The following CDH11 variants were observed in gnomAD, a reference collection of about 807,000 sequenced individuals.
The protein encoded by CDH11 is cadherin-11.
A neutral mutation model predicts 67.8 loss-of-function variants in CDH11; 11 were observed. The ratio of observed to expected loss-of-function variants is 0.16; its 90% CI spans 0.10 to 0.27. The LOEUF (loss-of-function observed/expected upper bound fraction) is 0.27, where lower values mean the gene tolerates loss of function less well. CDH11 is among the 10% of genes least tolerant of loss of function. The pLI, the probability that CDH11 is intolerant of heterozygous loss-of-function variation, is 1.00. For missense variants in CDH11, 847 were observed against 1,031.2 expected, an observed-to-expected ratio of 0.82 and a Z score of 2.45; for synonymous variants, 419 against 400.0, an observed-to-expected ratio of 1.05 and a Z score of -0.57.
intron 7 of CDH11, 103 bp downstream of exon 7, chr16:64,988,054 C>T (rs1007726181): frequency 3.6e-5 from 33 of 908,746 alleles, no homozygotes; most frequent in Middle Eastern, 2.3e-4. Flanking sequence ...CCCCTGGTTT[C>T]GCAAATTCTC....
At chr16:65,078,880 G>T (rs542261283) in intron 1 of CDH11, among the ~76,000 whole-genome samples, 7 of 152,260 alleles carry the variant, frequency 4.6e-5, no homozygotes, top group African/African-American at 1.7e-4. Context: ...CTGACTGCCT[G>T]GCTGTAAGCA....
intron 2 of CDH11, among the ~76,000 whole-genome samples, chr16:65,025,473 G>T (rs1208506476): frequency 6.6e-6 from 1 of 152,116 alleles, no homozygotes; most frequent in Non-Finnish European, 1.5e-5. Context: ...CTCCTGAGTA[G>T]CTGGGACTAA....
At chr16:65,069,514 G>A (rs1567560189) in intron 1 of CDH11, among the ~76,000 whole-genome samples, 1 of 152,062 alleles carries the variant, frequency 6.6e-6, no homozygotes, top group African/African-American at 2.4e-5. Flanking sequence ...ACCTGAGCTG[G>A]CCACATCTAA....
chr16:65,081,419 A>G (rs1294841452), intron 1 of CDH11, among the ~76,000 whole-genome samples: 1 of 152,162 alleles, frequency 6.6e-6, no homozygotes, highest in Non-Finnish European at 1.5e-5. Context: ...ATACAAAAAA[A>G]TTAGCCGGGC....
intron 1 of CDH11, among the ~76,000 whole-genome samples, chr16:65,076,558 T>C (rs1212023730): frequency 1.3e-5 from 2 of 152,074 alleles, no homozygotes; most frequent in Non-Finnish European, 2.9e-5. Flanking sequence ...CTTTAAGTCC[T>C]GGGATACACG....
intron 2 of CDH11, among the ~76,000 whole-genome samples, chr16:65,005,867 G>A (rs938756110): frequency 1.3e-5 from 2 of 152,154 alleles, no homozygotes; most frequent in African/African-American, 4.8e-5. Context: ...CCAGCCCAAG[G>A]TCATGTTCCC....
chr16:65,019,045 A>G (rs2073372002), intron 2 of CDH11, among the ~76,000 whole-genome samples: 1 of 152,214 alleles, frequency 6.6e-6, no homozygotes, highest in Non-Finnish European at 1.5e-5. Flanking sequence ...GGAGTTTCAC[A>G]TAATTTGGAA....
At chr16:64,994,167 C>T in intron 4 of CDH11, among the ~76,000 whole-genome samples, 1 of 152,130 alleles carries the variant, frequency 6.6e-6, no homozygotes, top group South Asian at 2.1e-4. Context: ...GTACATCTCA[C>T]TTTTTTCTAG....
At chr16:64,975,857 C>A (rs35222) in intron 8 of CDH11, among the ~76,000 whole-genome samples, 109,323 of 151,850 alleles carry the variant, frequency 0.72, 41,586 homozygotes, top group East Asian at 1. Context: ...TCAAAAATAA[C>A]TGTTGAAATT....
chr16:65,021,242 A>G (rs1196262582), intron 2 of CDH11, among the ~76,000 whole-genome samples: 1 of 152,206 alleles, frequency 6.6e-6, no homozygotes, highest in Non-Finnish European at 1.5e-5. Flanking sequence ...TGCAAAAGTA[A>G]AAAACACCAG....
intron 2 of CDH11, among the ~76,000 whole-genome samples, chr16:65,025,728 G>A (rs1007137392): frequency 4.6e-5 from 7 of 152,184 alleles, no homozygotes; most frequent in African/African-American, 1.7e-4. Flanking sequence ...GAAAGGAGAT[G>A]TGATTTCACT....
intron 1 of CDH11, among the ~76,000 whole-genome samples, chr16:65,112,863 C>A (rs1357503463): frequency 6.6e-6 from 1 of 152,134 alleles, no homozygotes; most frequent in Non-Finnish European, 1.5e-5. Context: ...TCATTTAAAG[C>A]CTTATGTTTA....
intron 1 of CDH11, among the ~76,000 whole-genome samples, chr16:65,100,138 A>T (rs1419617673): frequency 6.6e-6 from 1 of 152,176 alleles, no homozygotes; most frequent in Non-Finnish European, 1.5e-5. Context: ...ATGTGTGATC[A>T]TTTACCGCTG....
intron 1 of CDH11, among the ~76,000 whole-genome samples, chr16:65,065,240 C>T (rs147431054): frequency 2.6e-5 from 4 of 152,292 alleles, no homozygotes; most frequent in Non-Finnish European, 5.9e-5. Context: ...GCCCACTCTC[C>T]ACCTCATGCC....
At chr16:64,991,629 T>C (rs1454768571) in intron 6 of CDH11, 139 bp downstream of exon 6, 5 of 557,068 alleles carry the variant, frequency 9.0e-6, no homozygotes, top group Non-Finnish European at 1.3e-5. Context: ...TTGTGTTTTG[T>C]TTTTGTAAGA....
At chr16:65,027,852 A>C (rs2142605555) in intron 2 of CDH11, among the ~76,000 whole-genome samples, 1 of 152,310 alleles carries the variant, frequency 6.6e-6, no homozygotes, top group Middle Eastern at 3.4e-3. Context: ...TTTAAACCTC[A>C]GCAATCTAAT....
intron 12 of CDH11, among the ~76,000 whole-genome samples, chr16:64,949,044 T>C (rs2071277853): frequency 6.6e-6 from 1 of 152,130 alleles, no homozygotes; most frequent in Non-Finnish European, 1.5e-5. Flanking sequence ...CAAAGCTCTG[T>C]GCTTTTTTCT....
intron 1 of CDH11, among the ~76,000 whole-genome samples, chr16:65,063,686 T>C (rs947134948): frequency 3.9e-5 from 6 of 152,148 alleles, no homozygotes; most frequent in Non-Finnish European, 1.5e-5. Flanking sequence ...ATAGTATCTA[T>C]ATGTGTGTCA....
upstream of CDH11, chr16:65,122,120 GCAGGCGGGTGCGGGGC>G: frequency 1.2e-5 from 5 of 428,632 alleles, no homozygotes; most frequent in South Asian, 4.5e-5. Flanking sequence ...TGGCGGGCGG[GCAGGCGGGTGCGGGGC>G]GGGGGGGGCG....
Sources: allele counts gnomAD v4.1 joint callset (sites outside exome capture counted in the v4.1 genomes callset), GRCh38; gene constraint gnomAD v4.1.1; transcripts MANE v1.5; gene names NCBI Gene and HGNC (gene_info 2026-07-23, HGNC 2026-07-21).